Variants in MFAP3 observed in about 807,000 individuals in gnomAD.
MFAP3 encodes the protein microfibril-associated glycoprotein 3.
MFAP3 carries 8 observed loss-of-function variants against 20.5 expected under a neutral mutation model. That is an observed-to-expected ratio of 0.39 (90% CI 0.23 to 0.70). MFAP3 has a LOEUF of 0.70. Ranked by LOEUF, MFAP3 falls within the 30% of genes least tolerant of loss-of-function variation. The pLI, the probability that MFAP3 is intolerant of heterozygous loss-of-function variation, is 0.44. For missense variants in MFAP3, 398 were observed against 444.6 expected (o/e 0.90, Z 0.94); for synonymous variants, 140 against 154.0 (o/e 0.91, Z 0.67).
At chr5:154,050,097 GTC>G in intron 2 of MFAP3, 80 bp downstream of exon 2, 1 of 1,471,672 alleles carries the variant, frequency 6.8e-7, no homozygotes, top group Non-Finnish European at 9.1e-7. Context: ...TAAACAAAAA[GTC>G]TCAAAGATAA....
rs947505335 is a variant in MFAP3, at chr5:154,055,772, AT to A, written c.*2068del. ...AGGTGTGCACCACCTTTCCTGGCTA[AT>A]TTTTTTTTATTTTTTGTAGAGATGG... On this transcript the variant is annotated 3_prime_UTR_variant, in exon 3 of 3. Transcript: ENST00000522782. Among the ~76,000 whole-genome samples the A allele has an allele frequency of 7.9e-5, 12 of 151,404 alleles. No homozygotes were observed. Among genetic ancestry groups the A allele is most frequent in the Non-Finnish European group, 1.0e-4 (7 of 67,742 alleles).
intron 1 of MFAP3, among the ~76,000 whole-genome samples, chr5:154,045,420 A>T (rs1773053591): frequency 6.6e-6 from 1 of 152,186 alleles, no homozygotes; most frequent in Non-Finnish European, 1.5e-5. Flanking sequence ...AAAAAGAAAA[A>T]TGTGAAATTT....
chr5:154,050,610 CTTTTT>C (rs11167656), intron 2 of MFAP3, among the ~76,000 whole-genome samples: 10 of 93,280 alleles, frequency 1.1e-4, no homozygotes, highest in South Asian at 4.1e-4. Flanking sequence ...CCTTCCAGCT[CTTTTT>C]TTTTTTTTTT....
Position 154,055,207 on chromosome 5 carries a change from G to T in MFAP3, c.*1494G>T, listed in dbSNP as rs1773299505. Among the ~76,000 whole-genome samples, 1 of 152,222 alleles carries T rather than the reference G, an allele frequency of 6.6e-6. No individual in the cohort carries two copies. The highest frequency in any genetic ancestry group is 1.5e-5 in the Non-Finnish European group (1 of 68,032). On this transcript the variant is annotated 3_prime_UTR_variant, in exon 3 of 3. Coordinates refer to ENST00000522782, the MANE Select transcript of MFAP3 (RefSeq NM_005927.5). ...GATTATTGAAGCATTACTTCAGCTAGAGGCTCCTGAGGGAAATGTTCAGAG... is the reference window on the plus strand; with the variant it reads ...GATTATTGAAGCATTACTTCAGCTATAGGCTCCTGAGGGAAATGTTCAGAG...
chr5:154,043,311 A>T (rs1773000768), intron 1 of MFAP3, among the ~76,000 whole-genome samples: 1 of 152,174 alleles, frequency 6.6e-6, no homozygotes, highest in Non-Finnish European at 1.5e-5. Flanking sequence ...GCACTTTGGG[A>T]GGCCGAGGCA....
rs1011373937 is a variant in MFAP3 at position 154,039,012 on chromosome 5, G to C, written c.-167+1G>C. The C allele has an allele frequency of 6.6e-6, 1 of 152,482 alleles. No individual in the cohort carries two copies. Among genetic ancestry groups the C allele is most frequent in the Non-Finnish European group, 1.5e-5 (1 of 68,216 alleles). 9.4% of individuals were successfully genotyped at this position (152,482 alleles called of 1,614,324 possible). On this transcript the variant is annotated splice_donor_variant, in intron 1 of 2. Transcript: ENST00000522782. LOFTEE classifies it low-confidence loss of function (5UTR_SPLICE). Reference sequence around the variant, plus strand: ...CCGGAAGGAGCTAGACGGCGGTCGGGTAGGTGACGGCTTGGTTGGGGTCGC... The same window carrying C: ...CCGGAAGGAGCTAGACGGCGGTCGGCTAGGTGACGGCTTGGTTGGGGTCGC...
rs1196730604 is a variant in MFAP3 at position 154,057,067 on chromosome 5, T to G, written c.*3354T>G. On this transcript the variant is annotated 3_prime_UTR_variant, in exon 3 of 3. Transcript: ENST00000522782. ...GTAGCTTCACCCTAGATCAGACTTT[T>G]GTCTCTTGGGTCCCAGATGGCACAG... Among the ~76,000 whole-genome samples, 3 of 152,208 alleles carry G rather than the reference T, an allele frequency of 2.0e-5. No homozygotes were observed. Among genetic ancestry groups the G allele is most frequent in the African/African-American group, 2.4e-5 (1 of 41,444 alleles).
Position 154,053,895 on chromosome 5 carries a change from A to G in MFAP3, c.*182A>G. On this transcript the variant is annotated 3_prime_UTR_variant, in exon 3 of 3. Transcript: ENST00000522782. ...GAAGGCAGCATTTTTCCTCTCTGAT[A>G]CTTTTCAGTCATTTTCCTTAGAGCT... 1 of 589,392 alleles carries G rather than the reference A, an allele frequency of 1.7e-6. No homozygotes were observed. 36.5% of individuals were successfully genotyped at this position (589,392 alleles called of 1,614,324 possible).
At chr5:154,052,770 C>G (rs1217678704) in intron 2 of MFAP3, 150 bp from the exon 3 acceptor site, 16 of 682,210 alleles carry the variant, frequency 2.3e-5, no homozygotes, top group Non-Finnish European at 3.6e-5. Context: ...ACAGTCTGCC[C>G]TTTTTTTACA....
Position 154,049,834 on chromosome 5 carries a change from A to C in MFAP3, c.112A>C (p.Ser38Arg). The change falls in exon 2 of 3, where the codon AGT (serine) becomes CGT (arginine). Residue 38 changes from serine to arginine, a missense_variant. Physicochemically the swap from Ser to Arg is moderately radical, Grantham distance 110. Transcript: ENST00000522782. ...AATGGTTTCACTGGAAGCAAATCGT[A>C]GTTCTTACAATGCATCCTTTCCCTC... ...DQMVSLEANRSSYNASFPSSF... is the reference protein window; with the variant it reads ...DQMVSLEANRRSYNASFPSSF... The C allele has an allele frequency of 6.2e-7, 1 of 1,613,734 alleles. No homozygotes were observed. Among genetic ancestry groups the C allele is most frequent in the South Asian group, 1.1e-5 (1 of 91,072 alleles).
intron 1 of MFAP3, among the ~76,000 whole-genome samples, chr5:154,042,605 A>G (rs1772979679): frequency 6.6e-6 from 1 of 152,160 alleles, no homozygotes; most frequent in South Asian, 2.1e-4. Context: ...CTTTGTGTTT[A>G]TTCTTTGCAA....
rs1773293473 is a variant in MFAP3, at chr5:154,054,982, G to C, written c.*1269G>C. The stretch of plus-strand genomic sequence containing the variant: ...TCTAGACATCAAGAGGAAGAAAAAT[G>C]ATGGATGATGCCACCTGCTTCAACT... On this transcript the variant is annotated 3_prime_UTR_variant, in exon 3 of 3. Transcript: ENST00000522782. 1 of 166,944 alleles carries C rather than the reference G, an allele frequency of 6.0e-6. No homozygotes were observed. Among genetic ancestry groups the C allele is most frequent in the South Asian group, 2.1e-4 (1 of 4,822 alleles). The allele number at this position is 166,944 out of a possible 1,614,324, so 10.3% of individuals were successfully genotyped here.
Position 154,049,594 on chromosome 5 carries a change from A to G in MFAP3, c.-129A>G. 1.1e-6 allele frequency: 1 copy of G among 903,316 alleles called. No homozygotes were observed. 56.0% of individuals were successfully genotyped at this position (903,316 alleles called of 1,614,324 possible). ...CATCTTTTAATCTTGAAGACTAGAA[A>G]ATATAACTGGATCTACCACTTGTTT... On this transcript the variant is annotated 5_prime_UTR_variant, in exon 2 of 3. Coordinates refer to ENST00000522782, the MANE Select transcript of MFAP3 (RefSeq NM_005927.5).
chr5:154,053,422 C>T lies in MFAP3; in HGVS notation c.798C>T (p.Asp266=), dbSNP rs1188233611. The part of the protein sequence containing the change: ...FEAVRVDDPD[D]LGERIKERPA... The stretch of plus-strand genomic sequence containing the variant: ...CTGTGCGAGTGGACGACCCTGATGA[C>T]CTGGGTGAAAGAATTAAAGAGAGAC... The change falls in exon 3 of 3, where the codon GAC becomes GAT. Residue 266 remains aspartate, a synonymous_variant. Transcript: ENST00000522782. 4 of 1,613,942 alleles carry T rather than the reference C, an allele frequency of 2.5e-6. No homozygotes were observed. The South Asian group carries it at 3.3e-5, about 13-fold the overall frequency.
chr5:154,050,695 T>TA (rs1295057392), intron 2 of MFAP3, among the ~76,000 whole-genome samples: 16 of 151,000 alleles, frequency 1.1e-4, no homozygotes, highest in African/African-American at 3.4e-4. Context: ...GTTTATGTCT[T>TA]AAAAATCACA....
At chr5:154,044,823 C>T (rs563541979) in intron 1 of MFAP3, among the ~76,000 whole-genome samples, 8 of 152,224 alleles carry the variant, frequency 5.3e-5, no homozygotes, top group Admixed American at 2.6e-4. Context: ...TTTTTGTGAA[C>T]TTAATCTTTT....
intron 1 of MFAP3, among the ~76,000 whole-genome samples, chr5:154,041,487 A>G (rs762317510): frequency 1.3e-5 from 2 of 152,250 alleles, no homozygotes; most frequent in Non-Finnish European, 2.9e-5. Flanking sequence ...TAAAGACCAG[A>G]CTTAATGTTT....
chr5:154,046,336 A>C (rs1358576112), intron 1 of MFAP3, among the ~76,000 whole-genome samples: 1 of 152,274 alleles, frequency 6.6e-6, no homozygotes. Context: ...GTTGCATAAC[A>C]TTATTCAATT....
At chr5:154,041,514 C>T (rs1244450423) in intron 1 of MFAP3, among the ~76,000 whole-genome samples, 3 of 152,222 alleles carry the variant, frequency 2.0e-5, no homozygotes, top group Admixed American at 6.5e-5. Flanking sequence ...ATTCATTCCT[C>T]CTGCAAGCAA....
Sources: gnomAD v4.1 joint callset for allele counts (sites outside exome capture counted in the v4.1 genomes callset) on GRCh38, gnomAD v4.1.1 for gene constraint, MANE v1.5 for transcripts, NCBI Gene and HGNC (gene_info 2026-07-23, HGNC 2026-07-21) for gene names.